The following SCPEP1 variants were observed in gnomAD, a reference collection of about 807,000 sequenced individuals.
SCPEP1 encodes the protein retinoid-inducible serine carboxypeptidase.
In SCPEP1, 51 loss-of-function variants were observed where a neutral mutation model predicts 63.8. That is an observed-to-expected ratio of 0.80 (90% confidence interval 0.64 to 1.01). The LOEUF (loss-of-function observed/expected upper bound fraction) is 1.01, where lower values mean the gene tolerates loss of function less well. SCPEP1 is among the 50% of genes least tolerant of loss of function. The probability of loss-of-function intolerance (pLI) is 0.00; values close to 1 mark genes in which losing one functional copy is unlikely to be tolerated. For missense variants in SCPEP1, 499 were observed against 554.9 expected (o/e 0.90, Z 1.01); for synonymous variants, 204 against 207.8 (o/e 0.98, Z 0.16).
At chr17:56,982,759 C>T (rs1911106925) in intron 2 of SCPEP1, 1 of 151,580 alleles carries the variant, frequency 6.6e-6, no homozygotes, top group Admixed American at 6.6e-5. Context: ...TTTTTTACCC[C>T]CAAATGAAAG....
At chr17:56,982,616 C>G (rs904366140) in intron 2 of SCPEP1, 1 of 152,180 alleles carries the variant, frequency 6.6e-6, no homozygotes, top group Admixed American at 6.5e-5. Flanking sequence ...CCGTCAGGGG[C>G]CTCGGGTTTT....
rs185530514 is a variant in SCPEP1 at position 57,000,952 on chromosome 17, G to A, written c.1092G>A (p.Thr364=). The change falls in exon 11 of 13, where the codon ACG becomes ACA. Residue 364 remains threonine, a synonymous_variant. Transcript: ENST00000262288. ...DELLEAGINV[T]VYNGQLDLIV... is the part of the protein sequence containing the mutation. ...TGCTGGAGGCAGGGATCAACGTGAC[G>A]GTGTATAATGGACAGCTGGATCTCA... The A allele has an allele frequency of 9.7e-5, 157 of 1,614,116 alleles. No homozygotes were observed. The highest frequency in any genetic ancestry group is 6.8e-4 in the South Asian group (62 of 91,076).
At chr17:56,992,844 A>G (rs981020101) in intron 6 of SCPEP1, among the ~76,000 whole-genome samples, 3 of 152,220 alleles carry the variant, frequency 2.0e-5, no homozygotes, top group African/African-American at 4.8e-5. Context: ...CTCCAAGATC[A>G]GTACGTTTCG....
intron 1 of SCPEP1, among the ~76,000 whole-genome samples, chr17:56,978,606 A>C (rs1038167930): frequency 6.6e-6 from 1 of 152,152 alleles, no homozygotes; most frequent in Non-Finnish European, 1.5e-5. Flanking sequence ...ATCTGCGGTC[A>C]AAAGTACCCT....
At chr17:56,992,870 AG>A (rs1295590908) in intron 6 of SCPEP1, among the ~76,000 whole-genome samples, 2 of 152,168 alleles carry the variant, frequency 1.3e-5, no homozygotes, top group Non-Finnish European at 2.9e-5. Context: ...TGGCTTTGCA[AG>A]TGTTATTCAT....
chr17:56,993,493 G>C (rs1169366870), intron 6 of SCPEP1, among the ~76,000 whole-genome samples: 1 of 152,152 alleles, frequency 6.6e-6, no homozygotes, highest in African/African-American at 2.4e-5. Context: ...GCCCAGACTG[G>C]AGTGCAGTGG....
chr17:56,997,011 C>T lies in SCPEP1; in HGVS notation c.836C>T (p.Thr279Met), dbSNP rs753872486. 14 of 1,610,164 alleles carry T rather than the reference C, an allele frequency of 8.7e-6. No homozygotes were observed. Among genetic ancestry groups the T allele is most frequent in the Admixed American group, 3.4e-5 (2 of 59,566 alleles). The change falls in exon 9 of 13, where the codon ACG (threonine) becomes ATG (methionine). Residue 279 changes from threonine (T) to methionine (M), a missense_variant. Physicochemically the swap from Thr to Met is moderately conservative, Grantham distance 81. Transcript: ENST00000262288. ...AACATCTTAACTAAAAGCACTCCCA[C>T]GTCTACAATGGAGTCGAGTCTAGAA... Reference protein sequence around the residue: ...FYNILTKSTPTSTMESSLEFT... With the variant: ...FYNILTKSTPMSTMESSLEFT...
At chr17:56,998,245 AG>A in intron 9 of SCPEP1, 139 bp from the exon 10 acceptor site, 1 of 561,560 alleles carries the variant, frequency 1.8e-6, no homozygotes, top group Non-Finnish European at 3.2e-6. Flanking sequence ...CAGGAGGCGG[AG>A]GTTTCAGTGA....
chr17:56,997,156 C>G, intron 9 of SCPEP1, 101 bp downstream of exon 9: 1 of 697,306 alleles, frequency 1.4e-6, no homozygotes, highest in Admixed American at 3.2e-5. Context: ...ATATAATTTG[C>G]ATACCATAAA....
intron 2 of SCPEP1, chr17:56,984,680 T>C (rs1392533233): frequency 6.6e-6 from 1 of 152,482 alleles, no homozygotes; most frequent in Non-Finnish European, 1.5e-5. Flanking sequence ...CCACAGGGAC[T>C]CTGAAGAGTC....
At position 56,978,297 on chromosome 17, in the gene SCPEP1, T is replaced by C; in HGVS notation, c.76+62T>C. ...TCTTTTTTCTCCAGGCGTGAGAGTT[T>C]GTTACTGGGTTTGTGCTTTTGAAAA... On this transcript the variant is annotated intron_variant, in intron 1 of 12. Transcript: ENST00000262288. 15 of 1,476,818 alleles carry C rather than the reference T, an allele frequency of 1.0e-5. No homozygotes were observed. The South Asian group carries it at 1.9e-4, about 19-fold the overall frequency. 91.5% of individuals were successfully genotyped at this position (1,476,818 alleles called of 1,614,324 possible).
chr17:56,999,682 A>T (rs1462058219), intron 10 of SCPEP1, among the ~76,000 whole-genome samples: 4 of 152,174 alleles, frequency 2.6e-5, no homozygotes, highest in Admixed American at 6.5e-5. Context: ...AATTAGCTCA[A>T]ATGAAAAGAG....
intron 3 of SCPEP1, 69 bp downstream of exon 3, chr17:56,985,536 A>C: frequency 8.7e-7 from 1 of 1,154,214 alleles, no homozygotes; most frequent in Non-Finnish European, 1.3e-6. Flanking sequence ...CAACTCTGGG[A>C]GGGGCCACAA....
Position 56,990,962 on chromosome 17 carries a change from G to C in SCPEP1, c.547-137G>C, listed in dbSNP as rs1022309088. ...ATTTTTTAACTTTTTGTAGAGATGGGGGTCTCACTACATTGCCTAGGCTGG... is the reference window on the plus strand; with the variant it reads ...ATTTTTTAACTTTTTGTAGAGATGGCGGTCTCACTACATTGCCTAGGCTGG... On this transcript the variant is annotated intron_variant, in intron 5 of 12. Transcript: ENST00000262288. 18 of 728,578 alleles carry C rather than the reference G, an allele frequency of 2.5e-5. No individual in the cohort carries two copies. In the African/African-American group the frequency reaches 3.1e-4, roughly 13 times the overall value. The allele number at this position is 728,578 out of a possible 1,614,324, so 45.1% of individuals were successfully genotyped here. A position where few individuals can be genotyped will look rare whatever the true frequency, so the allele number is the denominator to read the frequency against.
At chr17:56,985,794 G>A (rs1015033997) in intron 3 of SCPEP1, among the ~76,000 whole-genome samples, 1 of 151,970 alleles carries the variant, frequency 6.6e-6, no homozygotes, top group Non-Finnish European at 1.5e-5. Context: ...CACCATGGTT[G>A]CACCCTCCAG....
intron 9 of SCPEP1, 53 bp downstream of exon 9, chr17:56,997,108 G>T: frequency 5.0e-6 from 5 of 1,009,152 alleles, no homozygotes; most frequent in Non-Finnish European, 7.1e-6. Flanking sequence ...CATGCAAAAA[G>T]AAACCTGTTT....
At chr17:57,002,495 C>T (rs184090604) in intron 12 of SCPEP1, among the ~76,000 whole-genome samples, 4 of 152,284 alleles carry the variant, frequency 2.6e-5, no homozygotes, top group East Asian at 1.9e-4. Context: ...ACGGGTGGAT[C>T]GCTTGAGCTC....
In SCPEP1 at chr17:56,996,978, ACTT is replaced by A. The variant is rs1241156793; in HGVS notation, c.806_808del (p.Phe269del). ...ATATTTCAGAACACAGATGGGGTGA[ACTT>A]CTATAACATCTTAACTAAAAGCACT... On this transcript the variant is annotated inframe_deletion, in exon 9 of 13. Transcript: ENST00000262288. 8 of 1,605,842 alleles carry A rather than the reference ACTT, an allele frequency of 5.0e-6. No individual in the cohort carries two copies. In the South Asian group the frequency reaches 7.8e-5, roughly 16 times the overall value.
intron 1 of SCPEP1, 30 bp from the exon 2 acceptor site, chr17:56,981,052 C>T: frequency 6.2e-7 from 1 of 1,613,606 alleles, no homozygotes; most frequent in Non-Finnish European, 8.5e-7. Flanking sequence ...AGGCACTCTT[C>T]TGGAGAGTGA....
Sources: allele counts gnomAD v4.1 joint callset (sites outside exome capture counted in the v4.1 genomes callset), GRCh38; gene constraint gnomAD v4.1.1; transcripts MANE v1.5; gene names NCBI Gene and HGNC (gene_info 2026-07-23, HGNC 2026-07-21).